The following AUTS2 variants were observed in gnomAD, a reference collection of about 807,000 sequenced individuals.
AUTS2 encodes the protein autism susceptibility gene 2 protein.
In AUTS2, 17 loss-of-function variants were observed where a neutral mutation model predicts 112.4. That is an observed-to-expected ratio of 0.15 (90% CI 0.10 to 0.23). The LOEUF is 0.23. Among genes scored for constraint, AUTS2 ranks in the 10% least tolerant of loss-of-function variants. The probability of loss-of-function intolerance (pLI) is 1.00; values close to 1 mark genes in which losing one functional copy is unlikely to be tolerated. For missense variants in AUTS2, 1,510 were observed against 1,701.6 expected, an observed-to-expected ratio of 0.89 and a Z score of 1.98; for synonymous variants, 751 against 702.7, an observed-to-expected ratio of 1.07 and a Z score of -1.09.
At chr7:70,223,642 T>C (rs556503937) in intron 4 of AUTS2, among the ~76,000 whole-genome samples, 2 of 152,308 alleles carry the variant, frequency 1.3e-5, no homozygotes, top group East Asian at 3.9e-4. Context: ...TTCTACTAGT[T>C]AAAAAGAAAA....
intron 2 of AUTS2, among the ~76,000 whole-genome samples, chr7:69,986,676 T>C (rs1276229128): frequency 1.3e-5 from 2 of 152,214 alleles, no homozygotes; most frequent in Non-Finnish European, 2.9e-5. Context: ...CAATAGAAAG[T>C]GTACACATCA....
chr7:69,836,072 T>C (rs925760430), intron 1 of AUTS2, among the ~76,000 whole-genome samples: 1 of 152,204 alleles, frequency 6.6e-6, no homozygotes, highest in Admixed American at 6.5e-5. Flanking sequence ...CTTACAAAAT[T>C]ATGTGCGTGA....
intron 2 of AUTS2, among the ~76,000 whole-genome samples, chr7:69,993,831 G>A (rs1798837989): frequency 6.6e-6 from 1 of 152,064 alleles, no homozygotes; most frequent in Admixed American, 6.6e-5. Context: ...TACAGATAGG[G>A]GAAGGTGATC....
At chr7:70,380,367 C>T (rs954646069) in intron 4 of AUTS2, among the ~76,000 whole-genome samples, 1 of 152,188 alleles carries the variant, frequency 6.6e-6, no homozygotes, top group East Asian at 1.9e-4. Context: ...ATTTCAGCTG[C>T]ATATGTTGGT....
chr7:70,539,440 T>C (rs1800455248), intron 5 of AUTS2, among the ~76,000 whole-genome samples: 1 of 152,222 alleles, frequency 6.6e-6, no homozygotes, highest in South Asian at 2.1e-4. Context: ...GGTTGTTGGA[T>C]GGTTCTTACA....
chr7:70,269,352 A>G (rs1046764567), intron 4 of AUTS2, among the ~76,000 whole-genome samples: 2 of 152,132 alleles, frequency 1.3e-5, no homozygotes, highest in Admixed American at 1.3e-4. Context: ...GTATCTTAGT[A>G]GAAGCCTTGA....
chr7:70,272,420 T>G (rs1392120875), intron 4 of AUTS2, among the ~76,000 whole-genome samples: 2 of 152,294 alleles, frequency 1.3e-5, no homozygotes, highest in African/African-American at 4.8e-5. Context: ...AACATTTAGA[T>G]GAAAATATCA....
At chr7:70,613,122 T>G (rs1229021496) in intron 5 of AUTS2, among the ~76,000 whole-genome samples, 1 of 152,126 alleles carries the variant, frequency 6.6e-6, no homozygotes, top group Non-Finnish European at 1.5e-5. Context: ...GCGGCCTCTT[T>G]CAGTGGCCAG....
intron 1 of AUTS2, among the ~76,000 whole-genome samples, chr7:69,612,474 T>C (rs1463007476): frequency 6.6e-6 from 1 of 152,204 alleles, no homozygotes; most frequent in Non-Finnish European, 1.5e-5. Flanking sequence ...AACTTTTTTT[T>C]TTTTAGACAT....
chr7:70,521,372 T>C lies in AUTS2; in HGVS notation c.690+85591T>C, dbSNP rs1027946457. 2.0e-5 allele frequency among the ~76,000 whole-genome samples: 3 copies of C among 152,280 alleles called. 1 individual carries two copies. The highest frequency in any genetic ancestry group is 4.1e-4 in the South Asian group (2 of 4,824). On this transcript the variant is annotated intron_variant, in intron 5 of 18. Coordinates refer to ENST00000342771, the MANE Select transcript of AUTS2 (RefSeq NM_015570.4). ...TGTGATGTGAATACCTTTCTGGCAC[T>C]ATGACAGTCTCCTCATGGTGGGCAG...
intron 4 of AUTS2, among the ~76,000 whole-genome samples, chr7:70,411,071 G>A (rs979495254): frequency 6.6e-6 from 1 of 151,962 alleles, no homozygotes; most frequent in Non-Finnish European, 1.5e-5. Flanking sequence ...CACCATGTTG[G>A]GCAGGCTGGT....
intron 2 of AUTS2, among the ~76,000 whole-genome samples, chr7:70,018,502 T>C (rs969193267): frequency 3.3e-5 from 5 of 152,204 alleles, no homozygotes. Context: ...ACTATAGCCA[T>C]TCTGAGGCTG....
intron 2 of AUTS2, among the ~76,000 whole-genome samples, chr7:69,922,200 T>G (rs1222504267): frequency 6.6e-6 from 1 of 152,242 alleles, no homozygotes; most frequent in Non-Finnish European, 1.5e-5. Context: ...TTTGATTTCA[T>G]GCACGCAGTC....
At chr7:69,924,171 C>CTT (rs35438674) in intron 2 of AUTS2, among the ~76,000 whole-genome samples, 2 of 151,512 alleles carry the variant, frequency 1.3e-5, no homozygotes, top group Admixed American at 6.6e-5. Context: ...TGTCAAACAC[C>CTT]TTTTTTTTGT....
intron 5 of AUTS2, among the ~76,000 whole-genome samples, chr7:70,653,413 C>T (rs1012782081): frequency 2.0e-5 from 3 of 152,264 alleles, no homozygotes; most frequent in Middle Eastern, 3.4e-3. Context: ...TGAAGTATGT[C>T]AGTCTCTGTG....
chr7:69,806,852 T>C (rs951684486), intron 1 of AUTS2, among the ~76,000 whole-genome samples: 6 of 152,246 alleles, frequency 3.9e-5, no homozygotes, highest in African/African-American at 1.2e-4. Flanking sequence ...AGAATTGTCA[T>C]GGATGAGCTT....
chr7:70,161,953 GCATACT>G (rs1246335592), intron 4 of AUTS2, among the ~76,000 whole-genome samples: 4 of 152,108 alleles, frequency 2.6e-5, no homozygotes, highest in African/African-American at 4.8e-5. Flanking sequence ...ATAGTTACTG[GCATACT>G]CCTTGATAGG....
intron 2 of AUTS2, among the ~76,000 whole-genome samples, chr7:69,906,095 A>G (rs951233205): frequency 1.3e-5 from 2 of 152,206 alleles, no homozygotes; most frequent in Non-Finnish European, 2.9e-5. Flanking sequence ...AATTTCTACA[A>G]TGTCAGTGAT....
intron 2 of AUTS2, among the ~76,000 whole-genome samples, chr7:69,936,484 G>T (rs912755843): frequency 6.6e-6 from 1 of 152,026 alleles, no homozygotes; most frequent in Non-Finnish European, 1.5e-5. Flanking sequence ...CGAGTAGCTG[G>T]GACTACAGGT....
Sources: gnomAD v4.1 joint callset for allele counts (sites outside exome capture counted in the v4.1 genomes callset) on GRCh38, gnomAD v4.1.1 for gene constraint, MANE v1.5 for transcripts, NCBI Gene and HGNC (gene_info 2026-07-23, HGNC 2026-07-21) for gene names.